L3MBTL4: variants seen among roughly 807,000 people sequenced by gnomAD.
L3MBTL4 encodes L3MBTL histone methyl-lysine binding protein 4, also known as lethal(3)malignant brain tumor-like protein 4.
Under a neutral mutation model 84.5 loss-of-function variants are expected in L3MBTL4, and 70 were observed. The ratio of observed to expected loss-of-function variants is 0.83; its 90% CI spans 0.68 to 1.01. The LOEUF (loss-of-function observed/expected upper bound fraction) is 1.01, where lower values mean the gene tolerates loss of function less well. Ranked by LOEUF, L3MBTL4 falls within the 50% of genes least tolerant of loss-of-function variation. The probability of loss-of-function intolerance (pLI) is 0.00; values close to 1 mark genes in which losing one functional copy is unlikely to be tolerated. For missense variants in L3MBTL4, 715 were observed against 754.8 expected, an observed-to-expected ratio of 0.95 and a Z score of 0.62; for synonymous variants, 274 against 259.8, an observed-to-expected ratio of 1.05 and a Z score of -0.52.
intron 16 of L3MBTL4, among the ~76,000 whole-genome samples, chr18:6,038,251 C>CTTTTTTTTTTTTTTTTT (rs34580980): frequency 1.0e-5 from 1 of 97,862 alleles, no homozygotes; most frequent in Non-Finnish European, 2.0e-5. Context: ...ATTTCTGGAT[C>CTTTTTTTTTTTTTTTTT]TTTTTTTTTT....
At chr18:6,227,571 T>C (rs1441343201) in intron 10 of L3MBTL4, among the ~76,000 whole-genome samples, 1 of 152,174 alleles carries the variant, frequency 6.6e-6, no homozygotes. Context: ...ATTTTAAACC[T>C]GCTGTTCCAG....
At chr18:6,393,462 A>G (rs995991646) in intron 1 of L3MBTL4, among the ~76,000 whole-genome samples, 1 of 152,186 alleles carries the variant, frequency 6.6e-6, no homozygotes, top group African/African-American at 2.4e-5. Context: ...AACTAATGCT[A>G]ATGCTAGAAG....
At chr18:6,214,760 G>A (rs994967738) in intron 11 of L3MBTL4, among the ~76,000 whole-genome samples, 1 of 152,158 alleles carries the variant, frequency 6.6e-6, no homozygotes, top group African/African-American at 2.4e-5. Flanking sequence ...GTTTAGTATT[G>A]TACACGCCTA....
intron 16 of L3MBTL4, among the ~76,000 whole-genome samples, chr18:5,974,241 T>C (rs1372134782): frequency 6.6e-6 from 1 of 152,214 alleles, no homozygotes; most frequent in Non-Finnish European, 1.5e-5. Context: ...CTTACAGATA[T>C]ACTGTACCCT....
At chr18:6,030,285 A>AAAT (rs1394570701) in intron 16 of L3MBTL4, 8 of 985,218 alleles carry the variant, frequency 8.1e-6, no homozygotes, top group African/African-American at 1.7e-5. Flanking sequence ...ATTTTGCACC[A>AAAT]AATGCACAAA....
At chr18:6,205,872 A>G (rs2045853916) in intron 12 of L3MBTL4, among the ~76,000 whole-genome samples, 1 of 152,212 alleles carries the variant, frequency 6.6e-6, no homozygotes, top group Non-Finnish European at 1.5e-5. Flanking sequence ...GGGCATTTGG[A>G]ATGTCAGAAC....
intron 16 of L3MBTL4, among the ~76,000 whole-genome samples, chr18:6,069,327 T>C (rs7243850): frequency 0.53 from 81,276 of 152,068 alleles, 24,281 homozygotes; most frequent in African/African-American, 0.8. Context: ...CTTAATGGAC[T>C]GTGTTGGATG....
At chr18:6,351,067 G>A (rs1398504672) in intron 1 of L3MBTL4, among the ~76,000 whole-genome samples, 10 of 152,010 alleles carry the variant, frequency 6.6e-5, no homozygotes, top group South Asian at 2.1e-4. Flanking sequence ...GTGGTGGCAC[G>A]CACCTGTAAT....
chr18:5,991,409 A>G (rs1404492626), intron 16 of L3MBTL4, among the ~76,000 whole-genome samples: 1 of 152,222 alleles, frequency 6.6e-6, no homozygotes, highest in Non-Finnish European at 1.5e-5. Context: ...CCTCAAGATG[A>G]ACACGGCTTT....
intron 13 of L3MBTL4, 141 bp downstream of exon 13, chr18:6,171,687 G>A (rs538695863): frequency 1.3e-5 from 6 of 459,552 alleles, no homozygotes; most frequent in South Asian, 9.9e-5. Context: ...GTAAATAATC[G>A]GCTTTCAGTG....
chr18:6,407,025 C>T (rs1298251210), intron 1 of L3MBTL4, among the ~76,000 whole-genome samples: 1 of 152,212 alleles, frequency 6.6e-6, no homozygotes, highest in Non-Finnish European at 1.5e-5. Flanking sequence ...TAACTGTACC[C>T]TTCACAGCTT....
chr18:6,345,534 A>C (rs932523052), intron 1 of L3MBTL4, among the ~76,000 whole-genome samples: 5 of 150,356 alleles, frequency 3.3e-5, no homozygotes, highest in African/African-American at 1.2e-4. Flanking sequence ...ATACACTGAC[A>C]ACAAACTATC....
At chr18:6,308,891 T>G (rs764575210) in intron 3 of L3MBTL4, among the ~76,000 whole-genome samples, 4 of 152,222 alleles carry the variant, frequency 2.6e-5, no homozygotes, top group Non-Finnish European at 4.4e-5. Context: ...CTGTACTGTT[T>G]TATTTTTTAA....
intron 16 of L3MBTL4, among the ~76,000 whole-genome samples, chr18:6,019,214 ATAT>A (rs2055137909): frequency 6.6e-6 from 1 of 152,158 alleles, no homozygotes; most frequent in South Asian, 2.1e-4. Flanking sequence ...TTATTATGTG[ATAT>A]TATGTAGAAT....
At chr18:6,260,280 C>T (rs2048341735) in intron 5 of L3MBTL4, 1 of 152,020 alleles carries the variant, frequency 6.6e-6, no homozygotes, top group African/African-American at 2.4e-5. Context: ...TTTTTAGTTC[C>T]TTGTGAATTT....
intron 1 of L3MBTL4, chr18:6,356,930 C>T (rs928592641): frequency 2.6e-5 from 4 of 152,206 alleles, no homozygotes; most frequent in Non-Finnish European, 5.9e-5. Context: ...ACCACAAACA[C>T]ATGAGTAATG....
chr18:6,150,864 G>A (rs1353446256), intron 13 of L3MBTL4, among the ~76,000 whole-genome samples: 1 of 152,170 alleles, frequency 6.6e-6, no homozygotes, highest in Non-Finnish European at 1.5e-5. Flanking sequence ...TGGGTATAAA[G>A]GCACTCCATT....
chr18:5,969,666 A>G (rs1187591268), intron 16 of L3MBTL4, 104 bp from the exon 17 acceptor site: 8 of 1,088,472 alleles, frequency 7.3e-6, no homozygotes, highest in Non-Finnish European at 1.0e-5. Flanking sequence ...CGGAAAGTGC[A>G]GACACCACCA....
intron 1 of L3MBTL4, among the ~76,000 whole-genome samples, chr18:6,353,822 G>A (rs1396823731): frequency 1.3e-5 from 2 of 151,850 alleles, no homozygotes; most frequent in Non-Finnish European, 2.9e-5. Flanking sequence ...TTTTTTTACT[G>A]GAAAAATCAA....
Sources: gnomAD v4.1 joint callset for allele counts (sites outside exome capture counted in the v4.1 genomes callset) on GRCh38, gnomAD v4.1.1 for gene constraint, MANE v1.5 for transcripts, NCBI Gene and HGNC (gene_info 2026-07-23, HGNC 2026-07-21) for gene names.